The following LHFPL3 variants were observed in gnomAD, a reference collection of about 807,000 sequenced individuals.
LHFPL3 encodes the protein LHFPL tetraspan subfamily member 3 protein.
Under a neutral mutation model 19.3 loss-of-function variants are expected in LHFPL3, and 5 were observed. The observed-to-expected ratio is 0.26, with a 90% confidence interval of 0.14 to 0.54. LHFPL3 has a LOEUF of 0.54. Ranked by LOEUF, LHFPL3 falls within the 20% of genes least tolerant of loss-of-function variation. LHFPL3 has a pLI of 0.94. For synonymous variants in LHFPL3, 133 were observed against 126.2 expected (o/e 1.05, Z -0.36); for missense variants, 249 against 307.4 (o/e 0.81, Z 1.42).
chr7:104,594,682 C>T (rs929806685), intron 1 of LHFPL3, among the ~76,000 whole-genome samples: 26 of 152,148 alleles, frequency 1.7e-4, no homozygotes, highest in Non-Finnish European at 3.2e-4. Context: ...ACCAATCGAA[C>T]GTAGATTTGG....
intron 1 of LHFPL3, among the ~76,000 whole-genome samples, chr7:104,493,812 T>A (rs565891029): frequency 1.3e-5 from 2 of 152,210 alleles, no homozygotes; most frequent in South Asian, 4.2e-4. Context: ...CCTCTCCTGG[T>A]CTCTTACTTC....
At chr7:104,553,552 G>T (rs180944962) in intron 1 of LHFPL3, among the ~76,000 whole-genome samples, 211 of 152,182 alleles carry the variant, frequency 1.4e-3, no homozygotes, top group Middle Eastern at 3.4e-3. Context: ...ACTGCCTCTA[G>T]GTCCAGTAAA....
intron 2 of LHFPL3, among the ~76,000 whole-genome samples, chr7:104,739,853 C>T (rs550493884): frequency 4.9e-4 from 75 of 152,332 alleles, no homozygotes; most frequent in African/African-American, 1.7e-3. Context: ...AGAGATTACA[C>T]ATCTGAAAGG....
At chr7:104,700,333 C>T (rs541499607) in intron 1 of LHFPL3, among the ~76,000 whole-genome samples, 29 of 152,310 alleles carry the variant, frequency 1.9e-4, no homozygotes, top group African/African-American at 6.7e-4. Context: ...TCACCCACGC[C>T]CCAAGGTCAA....
chr7:104,801,175 T>A (rs1790237846), intron 2 of LHFPL3, among the ~76,000 whole-genome samples: 1 of 152,124 alleles, frequency 6.6e-6, no homozygotes, highest in Non-Finnish European at 1.5e-5. Context: ...GCAAAGACTT[T>A]GAACTGGAAG....
chr7:104,352,151 C>T (rs573773704), intron 1 of LHFPL3, among the ~76,000 whole-genome samples: 32 of 149,782 alleles, frequency 2.1e-4, no homozygotes, highest in African/African-American at 6.4e-4. Flanking sequence ...GACCTCAGAG[C>T]GAGGCCCTGT....
Position 104,451,187 on chromosome 7 carries a change from C to T in LHFPL3, c.445+121963C>T, listed in dbSNP as rs544994753. 3.5e-4 allele frequency among the ~76,000 whole-genome samples: 53 copies of T among 152,104 alleles called. 1 individual carries two copies. Among genetic ancestry groups the T allele is most frequent in the Non-Finnish European group, 7.2e-4 (49 of 68,014 alleles). On this transcript the variant is annotated intron_variant, in intron 1 of 2. Coordinates refer to ENST00000424859, the MANE Select transcript of LHFPL3 (RefSeq NM_199000.3). Reference sequence around the variant, plus strand: ...TATAATAGGCATGCAATGGCTAATTCGTTTTTTTCATGGAAATATCTGAAA... The same window carrying T: ...TATAATAGGCATGCAATGGCTAATTTGTTTTTTTCATGGAAATATCTGAAA...
chr7:104,653,433 G>A (rs765488154), intron 1 of LHFPL3, among the ~76,000 whole-genome samples: 4 of 152,178 alleles, frequency 2.6e-5, no homozygotes, highest in Non-Finnish European at 4.4e-5. Flanking sequence ...AGGCCCTAAG[G>A]CCCCATAGAG....
At chr7:104,502,609 TG>T (rs1275871038) in intron 1 of LHFPL3, among the ~76,000 whole-genome samples, 2 of 152,138 alleles carry the variant, frequency 1.3e-5, no homozygotes, top group African/African-American at 2.4e-5. Context: ...GAACCTAGGA[TG>T]CTGTGTTCTA....
chr7:104,869,561 GA>G (rs1331308454), intron 2 of LHFPL3, among the ~76,000 whole-genome samples: 1 of 151,990 alleles, frequency 6.6e-6, no homozygotes, highest in African/African-American at 2.4e-5. Flanking sequence ...ACACCAGTTA[GA>G]ATGGCAATCA....
intron 1 of LHFPL3, among the ~76,000 whole-genome samples, chr7:104,598,679 A>G (rs561927901): frequency 6.6e-6 from 1 of 152,354 alleles, no homozygotes; most frequent in African/African-American, 2.4e-5. Flanking sequence ...TTCATCATAG[A>G]GTCCTTCTCT....
intron 1 of LHFPL3, among the ~76,000 whole-genome samples, chr7:104,454,500 C>G (rs1422652848): frequency 6.6e-6 from 1 of 152,104 alleles, no homozygotes; most frequent in African/African-American, 2.4e-5. Flanking sequence ...TCAGGAGTAC[C>G]TAGAGGTAAT....
At chr7:104,864,260 GTGGGTGC>G (rs1791673615) in intron 2 of LHFPL3, among the ~76,000 whole-genome samples, 1 of 152,170 alleles carries the variant, frequency 6.6e-6, no homozygotes, top group Admixed American at 6.5e-5. Flanking sequence ...GTGTTGGAAA[GTGGGTGC>G]AGGACAGTGG....
chr7:104,583,972 G>A (rs1169727578), intron 1 of LHFPL3, among the ~76,000 whole-genome samples: 1 of 152,116 alleles, frequency 6.6e-6, no homozygotes, highest in South Asian at 2.1e-4. Context: ...ATACCCAAAG[G>A]ATTATAAATC....
At chr7:104,559,599 A>C (rs367560113) in intron 1 of LHFPL3, among the ~76,000 whole-genome samples, 21 of 152,206 alleles carry the variant, frequency 1.4e-4, no homozygotes, top group Admixed American at 2.0e-4. Flanking sequence ...ATGGGGTTTT[A>C]TAGATATACA....
chr7:104,851,429 A>C (rs549121680), intron 2 of LHFPL3, among the ~76,000 whole-genome samples: 60 of 152,052 alleles, frequency 3.9e-4, no homozygotes, highest in Non-Finnish European at 8.8e-4. Context: ...GGAGAGTTGG[A>C]GATTTAGTGA....
chr7:104,346,871 T>C (rs1790076942), intron 1 of LHFPL3, among the ~76,000 whole-genome samples: 1 of 150,002 alleles, frequency 6.7e-6, no homozygotes, highest in South Asian at 2.2e-4. Flanking sequence ...CTTCATAAGA[T>C]TGGAAATAAT....
chr7:104,867,126 A>G (rs1334269847), intron 2 of LHFPL3, among the ~76,000 whole-genome samples: 2 of 152,364 alleles, frequency 1.3e-5, no homozygotes, highest in South Asian at 2.1e-4. Context: ...AGAAAGCAGG[A>G]AAGATCTAAA....
chr7:104,735,787 G>C (rs1322082845), intron 1 of LHFPL3, among the ~76,000 whole-genome samples: 1 of 152,204 alleles, frequency 6.6e-6, no homozygotes, highest in South Asian at 2.1e-4. Flanking sequence ...CCTGTCTTCT[G>C]TGTCACTCAT....
Sources: allele counts gnomAD v4.1 joint callset (sites outside exome capture counted in the v4.1 genomes callset), GRCh38; gene constraint gnomAD v4.1.1; transcripts MANE v1.5; gene names NCBI Gene and HGNC (gene_info 2026-07-23, HGNC 2026-07-21).